SPOCK3: variants seen among roughly 807,000 people sequenced by gnomAD.
SPOCK3 encodes SPARC (osteonectin), cwcv and kazal like domains proteoglycan 3.
In SPOCK3, 30 loss-of-function variants were observed where a neutral mutation model predicts 56.6. That is an observed-to-expected ratio of 0.53 (90% CI 0.40 to 0.72). The LOEUF (loss-of-function observed/expected upper bound fraction) is 0.72, where lower values mean the gene tolerates loss of function less well. Among genes scored for constraint, SPOCK3 ranks in the 30% least tolerant of loss-of-function variants. The pLI is 0.00. For missense variants in SPOCK3, 527 were observed against 530.0 expected, an observed-to-expected ratio of 0.99 and a Z score of 0.06; for synonymous variants, 196 against 183.3, an observed-to-expected ratio of 1.07 and a Z score of -0.56.
intron 4 of SPOCK3, among the ~76,000 whole-genome samples, chr4:166,918,972 C>T (rs1738191484): frequency 6.6e-6 from 1 of 152,090 alleles, no homozygotes. Context: ...TCTCTGCACA[C>T]CCCAGATCCC....
chr4:166,921,426 C>T (rs1358417320), intron 4 of SPOCK3, among the ~76,000 whole-genome samples: 2 of 150,690 alleles, frequency 1.3e-5, no homozygotes, highest in South Asian at 4.2e-4. Flanking sequence ...TCAAGCAATT[C>T]TCTTGCCTCA....
intron 2 of SPOCK3, among the ~76,000 whole-genome samples, chr4:167,077,375 G>C (rs1757295176): frequency 6.6e-6 from 1 of 151,446 alleles, no homozygotes; most frequent in South Asian, 2.1e-4. Context: ...AAAAGCTATA[G>C]CCCAAATGAA....
At chr4:166,916,848 T>C (rs1362189942) in intron 4 of SPOCK3, among the ~76,000 whole-genome samples, 1 of 152,202 alleles carries the variant, frequency 6.6e-6, no homozygotes, top group African/African-American at 2.4e-5. Flanking sequence ...CAATTACTTA[T>C]ATGAAGATGC....
chr4:167,205,279 T>C (rs1345422525), intron 2 of SPOCK3, among the ~76,000 whole-genome samples: 13 of 65,836 alleles, frequency 2.0e-4, no homozygotes, highest in African/African-American at 8.6e-4. Flanking sequence ...TAATATATAT[T>C]ATATATATTT....
chr4:166,976,150 C>T (rs1344205524), intron 4 of SPOCK3, among the ~76,000 whole-genome samples: 1 of 139,438 alleles, frequency 7.2e-6, no homozygotes, highest in Non-Finnish European at 1.6e-5. Flanking sequence ...AATTAACTAA[C>T]CAAGAAAAAT....
chr4:167,220,104 A>G (rs1000778410), intron 2 of SPOCK3, among the ~76,000 whole-genome samples: 13 of 152,164 alleles, frequency 8.5e-5, no homozygotes, highest in African/African-American at 3.1e-4. Flanking sequence ...CTCAGAACCC[A>G]GTCAACAATG....
intron 2 of SPOCK3, among the ~76,000 whole-genome samples, chr4:167,124,941 C>G (rs1762141453): frequency 6.6e-6 from 1 of 152,126 alleles, no homozygotes; most frequent in African/African-American, 2.4e-5. Context: ...TGAATGTCCT[C>G]CCTCGGCCCA....
intron 6 of SPOCK3, among the ~76,000 whole-genome samples, chr4:166,822,931 A>C (rs562963321): frequency 6.6e-6 from 1 of 152,148 alleles, no homozygotes; most frequent in Admixed American, 6.6e-5. Flanking sequence ...TGGTACAAAA[A>C]CAGAAAACAT....
At chr4:167,143,801 A>G (rs72975525) in intron 2 of SPOCK3, among the ~76,000 whole-genome samples, 359 of 152,130 alleles carry the variant, frequency 2.4e-3, no homozygotes, top group African/African-American at 8.2e-3. Context: ...CAGGCCAAAT[A>G]CTTTAAATAA....
At chr4:167,218,953 T>C (rs1031876546) in intron 2 of SPOCK3, among the ~76,000 whole-genome samples, 1 of 152,274 alleles carries the variant, frequency 6.6e-6, no homozygotes, top group African/African-American at 2.4e-5. Context: ...TAGTTATCAG[T>C]GTGGAGTGTG....
At chr4:166,924,117 T>C (rs551621027) in intron 4 of SPOCK3, among the ~76,000 whole-genome samples, 41 of 152,284 alleles carry the variant, frequency 2.7e-4, no homozygotes, top group Middle Eastern at 3.4e-3. Context: ...AGCCAGTCAG[T>C]TAGAATAAAA....
intron 2 of SPOCK3, among the ~76,000 whole-genome samples, chr4:167,131,380 A>T (rs1357843223): frequency 6.6e-6 from 1 of 152,126 alleles, no homozygotes; most frequent in Admixed American, 6.5e-5. Context: ...TGAGATCAGG[A>T]GTTCAAGACC....
intron 2 of SPOCK3, among the ~76,000 whole-genome samples, chr4:167,216,302 A>G (rs549766801): frequency 7.9e-5 from 12 of 152,138 alleles, no homozygotes; most frequent in Non-Finnish European, 1.5e-4. Flanking sequence ...GCTATATACA[A>G]TCCTGTTCTG....
At chr4:166,863,253 G>A (rs1325962448) in intron 6 of SPOCK3, among the ~76,000 whole-genome samples, 1 of 151,972 alleles carries the variant, frequency 6.6e-6, no homozygotes, top group Non-Finnish European at 1.5e-5. Context: ...AAGAGCTCCT[G>A]AATATGGAAA....
chr4:167,056,138 C>T (rs555410573), intron 3 of SPOCK3, among the ~76,000 whole-genome samples: 43 of 152,280 alleles, frequency 2.8e-4, no homozygotes, highest in Non-Finnish European at 5.6e-4. Flanking sequence ...GCAGCATTCG[C>T]GGTTCACAAA....
intron 6 of SPOCK3, among the ~76,000 whole-genome samples, chr4:166,861,529 G>A (rs748139827): frequency 1.3e-5 from 2 of 152,124 alleles, no homozygotes; most frequent in African/African-American, 2.4e-5. Context: ...AATGCCAAGA[G>A]TGCCTTGAGC....
At chr4:166,776,792 C>T (rs1048015251) in intron 7 of SPOCK3, among the ~76,000 whole-genome samples, 3 of 152,038 alleles carry the variant, frequency 2.0e-5, no homozygotes, top group African/African-American at 7.2e-5. Flanking sequence ...AATATAACCA[C>T]CTAAACATCT....
rs147814552 is a variant in SPOCK3, at chr4:167,118,900, C to T, written c.190-56363G>A. 5.9e-3 allele frequency among the ~76,000 whole-genome samples: 896 copies of T among 152,188 alleles called. 14 individuals are homozygous for T. Among genetic ancestry groups the T allele is most frequent in the African/African-American group, 0.02 (841 of 41,514 alleles). On this transcript the variant is annotated intron_variant, in intron 2 of 10. Transcript: ENST00000357545. ...ATATCAACTTTCCCATTTTCATCCC[C>T]CCTTCTACTATTATCCGCTGCTGGT...
intron 6 of SPOCK3, among the ~76,000 whole-genome samples, chr4:166,840,173 G>A (rs574350685): frequency 3.3e-5 from 5 of 152,272 alleles, no homozygotes; most frequent in Admixed American, 1.3e-4. Flanking sequence ...TAAGTTCTCC[G>A]TATGATTTGT....
Sources: gnomAD v4.1 joint callset for allele counts (sites outside exome capture counted in the v4.1 genomes callset) on GRCh38, gnomAD v4.1.1 for gene constraint, MANE v1.5 for transcripts, NCBI Gene and HGNC (gene_info 2026-07-23, HGNC 2026-07-21) for gene names.